MN1: variants seen among roughly 807,000 people sequenced by gnomAD.
MN1 encodes the protein MN1 proto-oncogene, transcriptional regulator.
Under a neutral mutation model 86.9 loss-of-function variants are expected in MN1, and 19 were observed. The observed-to-expected ratio is 0.22, with a 90% CI of 0.15 to 0.32. The LOEUF (loss-of-function observed/expected upper bound fraction) is 0.32, where lower values mean the gene tolerates loss of function less well. Ranked by LOEUF, MN1 falls within the 10% of genes least tolerant of loss-of-function variation. MN1 has a pLI of 1.00. For missense variants in MN1, 1,841 were observed against 1,862.0 expected (o/e 0.99, Z 0.21); for synonymous variants, 928 against 849.6 (o/e 1.09, Z -1.60).
Position 27,797,117 on chromosome 22 carries a change from C to G in MN1, c.3427G>C (p.Gly1143Arg), listed in dbSNP as rs781031487. The change falls in exon 1 of 2, where the codon GGC becomes CGC. Residue 1143 changes from glycine (G) to arginine (R), a missense_variant. Gly to Arg is a moderately radical substitution (Grantham distance 125). Coordinates refer to ENST00000302326, the MANE Select transcript of MN1 (RefSeq NM_002430.3). ...EQVRTPTSSSGAPPPDEIHPL... is the reference protein window; with the variant it reads ...EQVRTPTSSSRAPPPDEIHPL... ...TGGATCTCGTCGGGTGGCGGGGCGC[C>G]GCTGCTGCTCGTCGGGGTGCGGACC... 10 of 1,589,206 alleles carry G rather than the reference C, an allele frequency of 6.3e-6. No homozygotes were observed. Among genetic ancestry groups the G allele is most frequent in the Non-Finnish European group, 8.6e-6 (10 of 1,169,456 alleles).
chr22:27,773,275 C>T (rs530581732), intron 1 of MN1, among the ~76,000 whole-genome samples: 1 of 152,208 alleles, frequency 6.6e-6, no homozygotes, highest in African/African-American at 2.4e-5. Context: ...GGGGTTCATT[C>T]AGCTGTTTTC....
At position 27,799,503 on chromosome 22, in the gene MN1, G is replaced by T; in HGVS notation, c.1041C>A (p.Pro347=). 1 of 1,452,362 alleles carries T rather than the reference G, an allele frequency of 6.9e-7. No individual in the cohort carries two copies. Among genetic ancestry groups the T allele is most frequent in the Non-Finnish European group, 9.1e-7 (1 of 1,102,566 alleles). 90.0% of individuals were successfully genotyped at this position (1,452,362 alleles called of 1,614,324 possible). Residue 347 remains proline (P), a synonymous_variant, in exon 1 of 2, where the codon CCC becomes CCA. Transcript: ENST00000302326. Reference sequence around the variant, plus strand: ...GCTGCTGCGGGGGCTGCTGCTGAGGGGGTGGCGGGGCCTGCTGGGGAGGCT... The same window carrying T: ...GCTGCTGCGGGGGCTGCTGCTGAGGTGGTGGCGGGGCCTGCTGGGGAGGCT... ...LMQPPQQAPP[P]PQQQPPQQPP... is the part of the protein sequence containing the mutation.
chr22:27,801,420 C>G lies in MN1; in HGVS notation c.-877G>C, dbSNP rs1933440230. The G allele has an allele frequency of 4.8e-6, 1 of 210,388 alleles. No homozygotes were observed. The highest frequency in any genetic ancestry group is 5.9e-5 in the Admixed American group (1 of 16,926). The allele number at this position is 210,388 out of a possible 1,614,324, so 13.0% of individuals were successfully genotyped here. On this transcript the variant is annotated 5_prime_UTR_variant, in exon 1 of 2. Coordinates refer to ENST00000302326, the MANE Select transcript of MN1 (RefSeq NM_002430.3). ...GGGTGTCTGAGTTCGCCGGAGTCTC[C>G]GCGCACCGTTGCAGGCGCGGGAGGG...
chr22:27,765,809 C>A lies in MN1; in HGVS notation c.3782-14713G>T, dbSNP rs145927212. 1.7e-4 allele frequency among the ~76,000 whole-genome samples: 26 copies of A among 152,286 alleles called. No homozygotes were observed. The East Asian group carries it at 3.7e-3, about 21-fold the overall frequency. On this transcript the variant is annotated intron_variant, in intron 1 of 1. Transcript: ENST00000302326. ...AGTCTAGAGGCTGTGTCTTCTTACC[C>A]GCTCCCTGGTGTGTGCCTGGTGAAG... is the stretch of plus-strand genomic sequence containing the variant.
In MN1 at chr22:27,797,015, G is replaced by T. The variant is rs1226122672; in HGVS notation, c.3529C>A (p.Leu1177Met). 6 of 1,612,622 alleles carry T rather than the reference G, an allele frequency of 3.7e-6. No individual in the cohort carries two copies. The Middle Eastern group carries it at 4.9e-4, about 133-fold the overall frequency. The change falls in exon 1 of 2, where the codon CTG becomes ATG. Residue 1177 changes from leucine to methionine, a missense_variant. By Grantham distance (15) the Leu-to-Met change is conservative. Transcript: ENST00000302326. ...CACTCACCCTTCTTGCCACCCTTCA[G>T]CCCCAGAGGCTGGTCCTCGGAGATG... ...FSISEDQPLG[L>M]KGGKKGECAV...
At chr22:27,774,743 C>G (rs1178250592) in intron 1 of MN1, among the ~76,000 whole-genome samples, 2 of 152,202 alleles carry the variant, frequency 1.3e-5, no homozygotes, top group Non-Finnish European at 2.9e-5. Context: ...CCATCATCCT[C>G]ATTTCACAGA....
intron 1 of MN1, among the ~76,000 whole-genome samples, chr22:27,762,803 A>G (rs1234695757): frequency 1.3e-5 from 2 of 152,156 alleles, no homozygotes; most frequent in Non-Finnish European, 1.5e-5. Flanking sequence ...AAAAAAAAAA[A>G]GTAAACAAAT....
chr22:27,791,559 G>GC (rs1404359835), intron 1 of MN1, among the ~76,000 whole-genome samples: 1 of 152,090 alleles, frequency 6.6e-6, no homozygotes, highest in African/African-American at 2.4e-5. Context: ...ACTGGTTGCA[G>GC]CCCCCCACCC....
intron 1 of MN1, among the ~76,000 whole-genome samples, chr22:27,786,933 C>A (rs1427130231): frequency 6.6e-6 from 1 of 152,156 alleles, no homozygotes; most frequent in Non-Finnish European, 1.5e-5. Flanking sequence ...TAAACTGACC[C>A]AAAATAGTGA....
intron 1 of MN1, among the ~76,000 whole-genome samples, chr22:27,769,093 G>T (rs1932892736): frequency 6.6e-6 from 1 of 152,142 alleles, no homozygotes; most frequent in African/African-American, 2.4e-5. Context: ...TAAATTTGGG[G>T]CTGAAAGGAG....
chr22:27,749,257 G>A lies in MN1; in HGVS notation c.*1658C>T, dbSNP rs1025106980. The A allele has an allele frequency of 4.3e-6, 1 of 231,368 alleles. No individual in the cohort carries two copies. The highest frequency in any genetic ancestry group is 8.6e-6 in the Non-Finnish European group (1 of 116,942). 14.3% of individuals were successfully genotyped at this position (231,368 alleles called of 1,614,324 possible). On this transcript the variant is annotated 3_prime_UTR_variant, in exon 2 of 2. Coordinates refer to ENST00000302326, the MANE Select transcript of MN1 (RefSeq NM_002430.3). ...AAGTTCTTTGAAATAAACAACGTGG[G>A]TGTTGTATGGTGAGCCCAGAGCCTT...
At chr22:27,775,933 T>C (rs1272499736) in intron 1 of MN1, among the ~76,000 whole-genome samples, 3 of 149,042 alleles carry the variant, frequency 2.0e-5, no homozygotes, top group Non-Finnish European at 4.4e-5. Context: ...CGCACTTGCA[T>C]TTAAAAAAGG....
chr22:27,796,357 G>T (rs1431959204), intron 1 of MN1, among the ~76,000 whole-genome samples: 1 of 151,822 alleles, frequency 6.6e-6, no homozygotes, highest in Non-Finnish European at 1.5e-5. Context: ...TCCTGCCAGG[G>T]AAGGCGGCAC....
In MN1 at chr22:27,796,463, G is replaced by T. The variant is rs576326640; in HGVS notation, c.3781+300C>A. On this transcript the variant is annotated intron_variant, in intron 1 of 1. Transcript: ENST00000302326. ...GCAATTCAGCTAAAACTGGGGGTGT[G>T]GGGGCGGCTGGGCGGGGTACTCTAC... Among the ~76,000 whole-genome samples, 9 of 151,728 alleles carry T rather than the reference G, an allele frequency of 5.9e-5. No homozygotes were observed. The South Asian group carries it at 1.9e-3, about 32-fold the overall frequency.
Position 27,798,669 on chromosome 22 carries a change from C to G in MN1, c.1875G>C (p.Leu625Phe). 1 of 1,546,780 alleles carries G rather than the reference C, an allele frequency of 6.5e-7. No individual in the cohort carries two copies. ...CTGAGAACCACGCGCTCTCTTGCGC[C>G]AAGTGCGGCGCCTGCTGCTCGAAGG... is the stretch of plus-strand genomic sequence containing the variant. ...LGTFEQQAPH[L>F]AQESAWFSGP... Residue 625 changes from leucine to phenylalanine, a missense_variant, in exon 1 of 2, where the codon TTG becomes TTC. Physicochemically the swap from Leu to Phe is conservative, Grantham distance 22. Transcript: ENST00000302326.
chr22:27,752,562 C>T (rs1932775122), intron 1 of MN1, among the ~76,000 whole-genome samples: 1 of 152,180 alleles, frequency 6.6e-6, no homozygotes, highest in Non-Finnish European at 1.5e-5. Context: ...GACAACCATT[C>T]ACATCTTAGT....
At chr22:27,755,337 G>A (rs1192835239) in intron 1 of MN1, among the ~76,000 whole-genome samples, 3 of 152,200 alleles carry the variant, frequency 2.0e-5, no homozygotes, top group African/African-American at 7.2e-5. Flanking sequence ...CCAGAGGCTG[G>A]GGCAACATCA....
At chr22:27,767,746 T>C (rs1037709607) in intron 1 of MN1, among the ~76,000 whole-genome samples, 1 of 151,800 alleles carries the variant, frequency 6.6e-6, no homozygotes, top group African/African-American at 2.4e-5. Context: ...GCAGGCAAGG[T>C]TGGGTGGGTG....
In MN1 at chr22:27,800,121, T is replaced by C. The variant is rs2146318479; in HGVS notation, c.423A>G (p.Gly141=). 6.4e-7 allele frequency: 1 copy of C among 1,569,696 alleles called. No homozygotes were observed. Among genetic ancestry groups the C allele is most frequent in the Non-Finnish European group, 8.6e-7 (1 of 1,163,646 alleles). The change falls in exon 1 of 2, where the codon GGA becomes GGG. Residue 141 remains glycine, a synonymous_variant. Coordinates refer to ENST00000302326, the MANE Select transcript of MN1 (RefSeq NM_002430.3). ...CGAAGGGCGGCTGGCTGCCCAGGCC[T>C]CCGGCTGCGCCGCCGTAGCCGAGCA... The part of the protein sequence containing the change: ...GRLLGYGGAA[G]GLGSQPPFAE...
Sources: allele counts gnomAD v4.1 joint callset (sites outside exome capture counted in the v4.1 genomes callset), GRCh38; gene constraint gnomAD v4.1.1; transcripts MANE v1.5; gene names NCBI Gene and HGNC (gene_info 2026-07-23, HGNC 2026-07-21).